The following CDH13 variants were observed in gnomAD, a reference collection of about 807,000 sequenced individuals.
The protein encoded by CDH13 is cadherin 13.
In CDH13, 24 loss-of-function variants were observed where a neutral mutation model predicts 63.8. The ratio of observed to expected loss-of-function variants is 0.38; its 90% CI spans 0.27 to 0.53. The LOEUF is 0.53. Among genes scored for constraint, CDH13 ranks in the 20% least tolerant of loss-of-function variants. The probability of loss-of-function intolerance (pLI) is 0.85; values close to 1 mark genes in which losing one functional copy is unlikely to be tolerated. For synonymous variants in CDH13, 503 were observed against 355.3 expected, an observed-to-expected ratio of 1.42 and a Z score of -4.67; for missense variants, 1,049 against 903.1, an observed-to-expected ratio of 1.16 and a Z score of -2.07.
At chr16:83,212,053 C>T (rs1246058286) in intron 4 of CDH13, among the ~76,000 whole-genome samples, 2 of 152,136 alleles carry the variant, frequency 1.3e-5, no homozygotes, top group Non-Finnish European at 2.9e-5. Context: ...GCAGGGTTTG[C>T]TTTGGCCAGA....
Position 83,051,636 on chromosome 16 carries a change from C to T in CDH13, c.366+19418C>T, listed in dbSNP as rs575564964. On this transcript the variant is annotated intron_variant, in intron 3 of 13. Transcript: ENST00000567109. ...TTATCTGGATTTCATTAAGACACTC[C>T]GGATTCTTCACAAACATGCCAAGTT... Among the ~76,000 whole-genome samples, 16 of 152,288 alleles carry T rather than the reference C, an allele frequency of 1.1e-4. 1 individual carries two copies. The highest frequency in any genetic ancestry group is 9.6e-5 in the African/African-American group (4 of 41,558).
At chr16:82,814,757 C>T (rs1026711018) in intron 1 of CDH13, among the ~76,000 whole-genome samples, 2 of 152,142 alleles carry the variant, frequency 1.3e-5, no homozygotes, top group Admixed American at 6.5e-5. Flanking sequence ...GTTGTGGGAA[C>T]TCCAATTTAT....
At chr16:83,655,573 G>C (rs976076838) in intron 8 of CDH13, among the ~76,000 whole-genome samples, 13 of 152,176 alleles carry the variant, frequency 8.5e-5, no homozygotes, top group African/African-American at 2.7e-4. Context: ...GTGAATGAGG[G>C]AGAAAAGGCA....
intron 1 of CDH13, among the ~76,000 whole-genome samples, chr16:82,829,829 T>G (rs2038445872): frequency 6.6e-6 from 1 of 152,232 alleles, no homozygotes; most frequent in Non-Finnish European, 1.5e-5. Context: ...AGCAATAATC[T>G]GATTCTTAAA....
chr16:83,585,863 A>G (rs1408799535), intron 7 of CDH13, among the ~76,000 whole-genome samples: 2 of 152,192 alleles, frequency 1.3e-5, no homozygotes, highest in African/African-American at 4.8e-5. Context: ...GAGGTGAAGA[A>G]TAGTACTGTG....
At chr16:83,156,159 A>T (rs573443435) in intron 4 of CDH13, among the ~76,000 whole-genome samples, 150 of 152,312 alleles carry the variant, frequency 9.8e-4, no homozygotes, top group African/African-American at 3.3e-3. Flanking sequence ...TGCTTTGAAC[A>T]TAGCGTGGTT....
intron 4 of CDH13, among the ~76,000 whole-genome samples, chr16:83,165,495 G>A (rs201372348): frequency 1.3e-5 from 2 of 152,100 alleles, no homozygotes; most frequent in East Asian, 3.9e-4. Flanking sequence ...GAGGGGACTA[G>A]CAGGCTGCAG....
chr16:82,961,754 G>T (rs555658843), intron 2 of CDH13, among the ~76,000 whole-genome samples: 1 of 152,072 alleles, frequency 6.6e-6, no homozygotes, highest in Non-Finnish European at 1.5e-5. Flanking sequence ...TCCTGTCTTT[G>T]GTTCTCAAGT....
chr16:83,369,633 G>A (rs763508086), intron 6 of CDH13, among the ~76,000 whole-genome samples: 2 of 151,904 alleles, frequency 1.3e-5, no homozygotes, highest in Non-Finnish European at 1.5e-5. Flanking sequence ...CTGTGTTGCC[G>A]AGGTTGGTCT....
intron 3 of CDH13, among the ~76,000 whole-genome samples, chr16:83,113,608 A>G (rs1452350016): frequency 6.6e-6 from 1 of 152,216 alleles, no homozygotes; most frequent in Non-Finnish European, 1.5e-5. Context: ...TGTGATCAGA[A>G]GCTGAGACAG....
intron 2 of CDH13, among the ~76,000 whole-genome samples, chr16:83,001,281 C>T (rs1009657156): frequency 2.6e-5 from 4 of 152,212 alleles, no homozygotes; most frequent in African/African-American, 9.6e-5. Context: ...ATTGAGAATG[C>T]ATTTCTAGCC....
intron 2 of CDH13, among the ~76,000 whole-genome samples, chr16:83,010,356 T>TTA (rs1302622190): frequency 7.2e-5 from 11 of 152,038 alleles, no homozygotes; most frequent in Admixed American, 3.9e-4. Context: ...CCCACCTGCA[T>TTA]TAACTGTAAG....
At chr16:83,112,806 C>T (rs542003815) in intron 3 of CDH13, among the ~76,000 whole-genome samples, 82 of 152,164 alleles carry the variant, frequency 5.4e-4, no homozygotes, top group Non-Finnish European at 1.1e-3. Context: ...ACCAGACCTT[C>T]GTGAGCACCG....
In CDH13 at chr16:83,115,272, G is replaced by T. The variant is rs535970407; in HGVS notation, c.367-10113G>T. Among the ~76,000 whole-genome samples, 46 of 152,308 alleles carry T rather than the reference G, an allele frequency of 3.0e-4. 1 individual carries two copies. In the South Asian group the frequency reaches 9.5e-3, roughly 32 times the overall value. On this transcript the variant is annotated intron_variant, in intron 3 of 13. Coordinates refer to ENST00000567109, the MANE Select transcript of CDH13 (RefSeq NM_001257.5). ...TAACTTCAGGAAAACAGCCATGGTG[G>T]TTCTGCCAGCAAGTCGTTGAATGGA...
At chr16:82,711,536 T>A (rs1250941357) in intron 1 of CDH13, among the ~76,000 whole-genome samples, 1 of 152,122 alleles carries the variant, frequency 6.6e-6, no homozygotes, top group Non-Finnish European at 1.5e-5. Context: ...ATTAGAGGGT[T>A]CTGAAAAAAT....
chr16:83,193,447 T>C (rs1401625070), intron 4 of CDH13, among the ~76,000 whole-genome samples: 1 of 152,196 alleles, frequency 6.6e-6, no homozygotes. Flanking sequence ...ACACATTGTA[T>C]TTCTCTTCTC....
Position 82,761,017 on chromosome 16 carries a change from C to CTTTCTTTTTTTTT in CDH13, c.46-97342_46-97341insCTTTTTTTTTTTT, listed in dbSNP as rs2034820362. The stretch of plus-strand genomic sequence containing the variant: ...CTCTGGGGTTCACATTTCTTTCTTT[C>CTTTCTTTTTTTTT]TTTTTTTTTTTTTTTTTTTTTTTTT... On this transcript the variant is annotated intron_variant, in intron 1 of 13. Coordinates refer to ENST00000567109, the MANE Select transcript of CDH13 (RefSeq NM_001257.5). Among the ~76,000 whole-genome samples the CTTTCTTTTTTTTT allele has an allele frequency of 9.9e-5, 4 of 40,452 alleles. 1 individual carries two copies. Among genetic ancestry groups the CTTTCTTTTTTTTT allele is most frequent in the African/African-American group, 1.8e-4 (2 of 11,202 alleles). The allele number at this position is 40,452 out of a possible 152,430, so 26.5% of individuals were successfully genotyped here. A position where few individuals can be genotyped will look rare whatever the true frequency, so the allele number is the denominator to read the frequency against.
At chr16:82,840,688 A>G (rs1281885476) in intron 1 of CDH13, among the ~76,000 whole-genome samples, 3 of 151,120 alleles carry the variant, frequency 2.0e-5, no homozygotes, top group African/African-American at 7.3e-5. Context: ...CCATCTCAAA[A>G]AAAAAAAAAA....
intron 10 of CDH13, among the ~76,000 whole-genome samples, chr16:83,681,657 C>T (rs537359666): frequency 3.9e-5 from 6 of 152,230 alleles, no homozygotes; most frequent in South Asian, 2.1e-4. Context: ...ATAACATCAC[C>T]GACAGGTTGA....
Sources: gnomAD v4.1 joint callset for allele counts (sites outside exome capture counted in the v4.1 genomes callset) on GRCh38, gnomAD v4.1.1 for gene constraint, MANE v1.5 for transcripts, NCBI Gene and HGNC (gene_info 2026-07-23, HGNC 2026-07-21) for gene names.